The following ASCC3 variants were observed in gnomAD, a reference collection of about 807,000 sequenced individuals.
The protein encoded by ASCC3 is ASC-1 complex subunit P200.
ASCC3 carries 158 observed loss-of-function variants against 256.3 expected under a neutral mutation model. The observed-to-expected ratio is 0.62, with a 90% CI of 0.54 to 0.70. The LOEUF is 0.70. Among genes scored for constraint, ASCC3 ranks in the 30% least tolerant of loss-of-function variants. The pLI is 0.00. For synonymous variants in ASCC3, 948 were observed against 883.4 expected, an observed-to-expected ratio of 1.07 and a Z score of -1.30; for missense variants, 2,259 against 2,626.0, an observed-to-expected ratio of 0.86 and a Z score of 3.05.
chr6:100,733,588 C>T (rs1267336577), intron 10 of ASCC3, among the ~76,000 whole-genome samples: 3 of 152,040 alleles, frequency 2.0e-5, no homozygotes, highest in Admixed American at 1.3e-4. Flanking sequence ...GAATTATGAG[C>T]CAAATAAATA....
chr6:100,687,028 T>TCA (rs1201705191), intron 13 of ASCC3, among the ~76,000 whole-genome samples: 117 of 89,234 alleles, frequency 1.3e-3, no homozygotes, highest in Admixed American at 2.1e-3. Flanking sequence ...TCTCTCTCTC[T>TCA]CTCTCTCACA....
At chr6:100,600,205 GCACA>G (rs56886686) in intron 34 of ASCC3, among the ~76,000 whole-genome samples, 21,738 of 145,718 alleles carry the variant, frequency 0.15, 1,912 homozygotes, top group African/African-American at 0.25. Flanking sequence ...ACATGCACAT[GCACA>G]CACACACACA....
At chr6:100,580,123 A>G (rs751872806) in intron 36 of ASCC3, among the ~76,000 whole-genome samples, 2 of 152,012 alleles carry the variant, frequency 1.3e-5, no homozygotes, top group African/African-American at 2.4e-5. Context: ...CTTGGCTCTC[A>G]GCTTGAATGT....
rs9485383 is a variant in ASCC3 at position 100,756,715 on chromosome 6, T to C, written c.1737+9850A>G. Among the ~76,000 whole-genome samples, 740 of 152,258 alleles carry C rather than the reference T, an allele frequency of 4.9e-3. 9 individuals carry two copies. The highest frequency in any genetic ancestry group is 0.017 in the African/African-American group (716 of 41,582). On this transcript the variant is annotated intron_variant, in intron 10 of 41. Transcript: ENST00000369162. Reference sequence around the variant, plus strand: ...CTGCTTTAATTTGCAGATTATATCATTGCCTACACAGAAAGTCAAAGAGAA... The same window carrying C: ...CTGCTTTAATTTGCAGATTATATCACTGCCTACACAGAAAGTCAAAGAGAA...
chr6:100,822,459 C>T (rs1771092965), intron 4 of ASCC3, among the ~76,000 whole-genome samples: 1 of 151,152 alleles, frequency 6.6e-6, no homozygotes, highest in Non-Finnish European at 1.5e-5. Context: ...ATGGCTTGAG[C>T]CTGGAAGACA....
At chr6:100,867,792 C>G in intron 2 of ASCC3, 116 bp downstream of exon 2, 1 of 918,868 alleles carries the variant, frequency 1.1e-6, no homozygotes, top group Non-Finnish European at 1.7e-6. Flanking sequence ...TGCCTCACAC[C>G]AAACAAGATA....
At chr6:100,597,203 T>C (rs988796179) in intron 34 of ASCC3, among the ~76,000 whole-genome samples, 2 of 152,124 alleles carry the variant, frequency 1.3e-5, no homozygotes, top group African/African-American at 4.8e-5. Context: ...TTATCCTGTT[T>C]TCCTTCTAAA....
chr6:100,688,976 T>C (rs1360873594), intron 13 of ASCC3, among the ~76,000 whole-genome samples: 1 of 152,232 alleles, frequency 6.6e-6, no homozygotes, highest in Non-Finnish European at 1.5e-5. Flanking sequence ...TTCTTCATTA[T>C]TGGCCCTTTG....
chr6:100,734,463 C>T (rs761325098), intron 10 of ASCC3, among the ~76,000 whole-genome samples: 6 of 152,106 alleles, frequency 3.9e-5, no homozygotes, highest in Admixed American at 6.6e-5. Context: ...GAGTACCTGC[C>T]ATGGTACTTA....
chr6:100,513,080 C>T (rs150939834), intron 39 of ASCC3, among the ~76,000 whole-genome samples, 162 bp from the exon 40 acceptor site: 124 of 152,228 alleles, frequency 8.1e-4, no homozygotes, highest in Admixed American at 1.5e-3. Context: ...ATTCTGTGGA[C>T]CATTTACCCA....
At chr6:100,668,771 C>T (rs1776600280) in intron 14 of ASCC3, among the ~76,000 whole-genome samples, 2 of 151,838 alleles carry the variant, frequency 1.3e-5, no homozygotes, top group South Asian at 2.1e-4. Context: ...AATATGTTAA[C>T]ATATTTAATA....
At chr6:100,814,202 T>A (rs1770629607) in intron 4 of ASCC3, among the ~76,000 whole-genome samples, 1 of 152,184 alleles carries the variant, frequency 6.6e-6, no homozygotes, top group African/African-American at 2.4e-5. Flanking sequence ...GGTAAGCATG[T>A]GGTTTTTGTC....
At chr6:100,791,562 A>G (rs1164964653) in intron 8 of ASCC3, among the ~76,000 whole-genome samples, 1 of 151,994 alleles carries the variant, frequency 6.6e-6, no homozygotes. Flanking sequence ...CCACAGACTA[A>G]GCAGTCAAGA....
intron 1 of ASCC3, among the ~76,000 whole-genome samples, chr6:100,875,521 C>T (rs1773957109): frequency 6.6e-6 from 1 of 152,082 alleles, no homozygotes; most frequent in Admixed American, 6.5e-5. Flanking sequence ...AGCCCATGGA[C>T]CCTCTTCCTA....
chr6:100,538,081 C>T (rs12661493), intron 37 of ASCC3, among the ~76,000 whole-genome samples: 12 of 151,800 alleles, frequency 7.9e-5, no homozygotes, highest in East Asian at 5.8e-4. Context: ...GAACTGATCA[C>T]GCAATATAGG....
intron 13 of ASCC3, among the ~76,000 whole-genome samples, chr6:100,704,400 A>G (rs1255725278): frequency 6.6e-6 from 1 of 152,116 alleles, no homozygotes; most frequent in East Asian, 1.9e-4. Flanking sequence ...TAGCAGAAAC[A>G]CTAGTACTGA....
chr6:100,694,415 G>A (rs1777983099), intron 13 of ASCC3, among the ~76,000 whole-genome samples: 1 of 151,786 alleles, frequency 6.6e-6, no homozygotes, highest in South Asian at 2.1e-4. Flanking sequence ...TGAGACAGCA[G>A]TGAGACAGCA....
At position 100,652,810 on chromosome 6, in the gene ASCC3, C is replaced by T. The variant is rs149680188; in HGVS notation, c.2903G>A (p.Arg968His). 36 of 1,613,906 alleles carry T rather than the reference C, an allele frequency of 2.2e-5. No individual in the cohort carries two copies. Among genetic ancestry groups the T allele is most frequent in the African/African-American group, 5.3e-5 (4 of 75,008 alleles). Residue 968 changes from arginine (R) to histidine (H), a missense_variant, in exon 18 of 42, where the codon CGT becomes CAT. Physicochemically the swap from Arg to His is conservative, Grantham distance 29. Transcript: ENST00000369162. ...GRKLDKAQMI[R>H]FEERTGYFSS... Reference sequence around the variant, plus strand: ...AAAATATCCAGTTCGCTCCTCAAAACGAATCATCTGAGCTTTGTCTAGTTT... The same window carrying T: ...AAAATATCCAGTTCGCTCCTCAAAATGAATCATCTGAGCTTTGTCTAGTTT...
At position 100,699,548 on chromosome 6, in the gene ASCC3, C is replaced by CAG. The variant is rs1458556129; in HGVS notation, c.2151+15913_2151+15914insCT. ...AAATTTGTACCAGTAGAGTGAGGTG[C>CAG]TACTGAAAAGATACTCAAAAATGTG... On this transcript the variant is annotated intron_variant, in intron 13 of 41. Coordinates refer to ENST00000369162, the MANE Select transcript of ASCC3 (RefSeq NM_006828.4). 4.3e-3 allele frequency among the ~76,000 whole-genome samples: 656 copies of CAG among 152,148 alleles called. 19 individuals are homozygous for CAG. Among genetic ancestry groups the CAG allele is most frequent in the Admixed American group, 0.029 (436 of 15,272 alleles).
Sources: allele counts gnomAD v4.1 joint callset (sites outside exome capture counted in the v4.1 genomes callset), GRCh38; gene constraint gnomAD v4.1.1; transcripts MANE v1.5; gene names NCBI Gene and HGNC (gene_info 2026-07-23, HGNC 2026-07-21).